The following SAGE1 variants were observed in gnomAD, a reference collection of about 807,000 sequenced individuals.
The protein encoded by SAGE1 is cancer/testis antigen 14.
Under a neutral mutation model 55.4 loss-of-function variants are expected in SAGE1, and 55 were observed. That is an observed-to-expected ratio of 0.99 (90% CI 0.80 to 1.24). The LOEUF (loss-of-function observed/expected upper bound fraction) is 1.24, where lower values mean the gene tolerates loss of function less well. Among genes scored for constraint, SAGE1 ranks in the 50% most tolerant of loss-of-function variants. SAGE1 has a pLI of 0.00. For synonymous variants in SAGE1, 240 were observed against 244.3 expected (o/e 0.98, Z 0.17); for missense variants, 710 against 704.4 (o/e 1.01, Z -0.09).
chrX:135,898,008 T>C (rs1556594643), intron 2 of SAGE1, among the ~76,000 whole-genome samples: 1 of 112,348 alleles, frequency 8.9e-6, no homozygotes, highest in African/African-American at 3.2e-5. Context: ...CATGATCTCA[T>C]TCCTTTTTTA....
intron 2 of SAGE1, among the ~76,000 whole-genome samples, chrX:135,900,351 T>C (rs1430216262): frequency 3.6e-4 from 40 of 111,790 alleles, no homozygotes; most frequent in African/African-American, 1.2e-3. Flanking sequence ...GCCAACTTGA[T>C]CATGGGGAAT....
At chrX:135,895,669 C>G (rs1190591115) in intron 1 of SAGE1, among the ~76,000 whole-genome samples, 7 of 111,479 alleles carry the variant, frequency 6.3e-5, no homozygotes, top group African/African-American at 2.0e-4. Context: ...TCTGAAGATG[C>G]TGGTTCCTCC....
chrX:135,898,112 G>T (rs1300905356), intron 2 of SAGE1, among the ~76,000 whole-genome samples: 2 of 111,499 alleles, frequency 1.8e-5, no homozygotes, highest in Middle Eastern at 4.6e-3. Context: ...CCGCCTCCCG[G>T]GCTCATGCCA....
intron 19 of SAGE1, 76 bp from the exon 20 acceptor site, chrX:135,912,722 T>C (rs2088920111): frequency 1.7e-6 from 2 of 1,151,850 alleles, no homozygotes; most frequent in Non-Finnish European, 2.3e-6. Flanking sequence ...AATTCTATTT[T>C]GTATCCACTC....
chrX:135,905,408 A>T lies in SAGE1; in HGVS notation c.454+16A>T. ...AGGGATCTGCGTATGTCTGCTAATT[A>T]GTTGTACTGTCATACTTGTTTTCCA... On this transcript the variant is annotated intron_variant, in intron 5 of 19. Transcript: ENST00000370709. The T allele has an allele frequency of 1.7e-6, 2 of 1,177,370 alleles. No homozygotes were observed. The highest frequency in any genetic ancestry group is 2.3e-6 in the Non-Finnish European group (2 of 870,180).
intron 2 of SAGE1, among the ~76,000 whole-genome samples, chrX:135,897,119 T>C (rs2088598341): frequency 8.9e-6 from 1 of 112,077 alleles, no homozygotes; most frequent in African/African-American, 3.2e-5. Flanking sequence ...AAGTCACTAG[T>C]GCTCTGCCTA....
At chrX:135,904,957 T>C (rs782716216) in intron 4 of SAGE1, among the ~76,000 whole-genome samples, 4 of 111,749 alleles carry the variant, frequency 3.6e-5, no homozygotes, top group Non-Finnish European at 7.5e-5. Flanking sequence ...TCAGGGCTTA[T>C]TAATATGACA....
In SAGE1 at chrX:135,909,693, A is replaced by C; in HGVS notation, c.1637A>C (p.Gln546Pro). The change falls in exon 14 of 20, where the codon CAA becomes CCA. Residue 546 changes from glutamine (Q) to proline (P), a missense_variant. Transcript: ENST00000370709. Reference protein sequence around the residue: ...HEERMENNQPQPSYDLSTVLP... With the variant: ...HEERMENNQPPPSYDLSTVLP... ...GAGAGGATGGAAAATAACCAACCAC[A>C]ACCTAGTTATGACTTGTCAACTGTT... 4 of 1,201,526 alleles carry C rather than the reference A, an allele frequency of 3.3e-6. No individual in the cohort carries two copies. Among genetic ancestry groups the C allele is most frequent in the Non-Finnish European group, 3.4e-6 (3 of 889,387 alleles).
intron 18 of SAGE1, 99 bp from the exon 19 acceptor site, chrX:135,912,222 A>G: frequency 2.7e-6 from 3 of 1,120,287 alleles, no homozygotes; most frequent in Non-Finnish European, 3.5e-6. Context: ...GTAACATTGT[A>G]GCCCATGAAA....
At chrX:135,908,391 A>G in intron 11 of SAGE1, 86 bp from the exon 12 acceptor site, 1 of 1,084,649 alleles carries the variant, frequency 9.2e-7, no homozygotes, top group Non-Finnish European at 1.2e-6. Flanking sequence ...ATAAATTCCT[A>G]GAAACTGAGC....
chrX:135,909,812 T>G, intron 14 of SAGE1, 33 bp downstream of exon 14: 1 of 1,142,203 alleles, frequency 8.8e-7, no homozygotes, highest in Non-Finnish European at 1.2e-6. Context: ...ACTGTCCTAC[T>G]TGGTTTTCAT....
In SAGE1 at chrX:135,912,337, C is replaced by A. The variant is rs200895409; in HGVS notation, c.2538C>A (p.Phe846Leu). 8.4e-7 allele frequency: 1 copy of A among 1,183,665 alleles called. No homozygotes were observed. The highest frequency in any genetic ancestry group is 3.0e-5 in the East Asian group (1 of 33,519). ...TATCTTCAGATTATGAAAGAATTTT[C>A]ATTTTGCTTGAAGAGGTACAAGGAT... ...RRFGQNYERI[F>L]ILLEEVQGSM... The change falls in exon 19 of 20, where the codon TTC becomes TTA. Residue 846 changes from phenylalanine to leucine, a missense_variant. Phe to Leu is a conservative substitution (Grantham distance 22). Coordinates refer to ENST00000370709, the MANE Select transcript of SAGE1 (RefSeq NM_001381902.1).
At chrX:135,907,616 T>G in intron 9 of SAGE1, 85 bp from the exon 10 acceptor site, 5 of 1,073,107 alleles carry the variant, frequency 4.7e-6, no homozygotes, top group Non-Finnish European at 6.4e-6. Flanking sequence ...GTTAATTTCC[T>G]AGACCCTGAG....
intron 2 of SAGE1, among the ~76,000 whole-genome samples, chrX:135,900,856 A>G (rs1402369223): frequency 9.0e-6 from 1 of 111,231 alleles, no homozygotes; most frequent in Non-Finnish European, 1.9e-5. Flanking sequence ...ACTTTAAAGC[A>G]CTAAAAGAGG....
At chrX:135,908,704 T>C (rs1262886767) in intron 12 of SAGE1, 87 bp downstream of exon 12, 72 of 1,054,063 alleles carry the variant, frequency 6.8e-5, no homozygotes, top group Non-Finnish European at 8.9e-5. Context: ...TTTTGTGAAT[T>C]ATCTTTCCTG....
At chrX:135,898,184 AT>A (rs782203496) in intron 2 of SAGE1, among the ~76,000 whole-genome samples, 2 of 109,698 alleles carry the variant, frequency 1.8e-5, no homozygotes, top group African/African-American at 3.3e-5. Flanking sequence ...CACCTGGCTA[AT>A]TTTTTTTGTA....
rs1470798252 is a variant in SAGE1, at chrX:135,907,301, T to C, written c.878-12T>C. The stretch of plus-strand genomic sequence containing the variant: ...ACTTACTCACAGCTCAACCTCTTCA[T>C]TTGTTTTCCAGATTCCACCGTCCCT... On this transcript the variant is annotated splice_polypyrimidine_tract_variant and intron_variant, in intron 8 of 19. Transcript: ENST00000370709. 1.7e-6 allele frequency: 2 copies of C among 1,201,939 alleles called. No homozygotes were observed. The highest frequency in any genetic ancestry group is 3.5e-5 in the African/African-American group (2 of 56,903).
chrX:135,907,384 T>A lies in SAGE1; in HGVS notation c.949T>A (p.Ser317Thr), dbSNP rs782719933. 5.0e-6 allele frequency: 6 copies of A among 1,205,973 alleles called. No individual in the cohort carries two copies. Among genetic ancestry groups the A allele is most frequent in the Non-Finnish European group, 4.5e-6 (4 of 890,661 alleles). Residue 317 changes from serine (S) to threonine (T), a missense_variant, in exon 9 of 20, where the codon TCA (serine) becomes ACA (threonine). Physicochemically the swap from Ser to Thr is moderately conservative, Grantham distance 58. Transcript: ENST00000370709. The part of the protein sequence containing the change: ...NDQPQPNNVL[S>T]TVQPVIIYLT... ...CCAACCGCAACCTAATAACGTATTG[T>A]CAACTGTTCAACCAGTGATTATTTA...
At chrX:135,903,915 T>A (rs1377180647) in intron 3 of SAGE1, among the ~76,000 whole-genome samples, 1 of 112,469 alleles carries the variant, frequency 8.9e-6, no homozygotes, top group African/African-American at 3.2e-5. Flanking sequence ...TATTGTATTA[T>A]CTGACCTGAT....
Sources: allele counts gnomAD v4.1 joint callset (sites outside exome capture counted in the v4.1 genomes callset), GRCh38; gene constraint gnomAD v4.1.1; transcripts MANE v1.5; gene names NCBI Gene and HGNC (gene_info 2026-07-23, HGNC 2026-07-21).